The following GALNT18 variants were observed in gnomAD, a reference collection of about 807,000 sequenced individuals.
The protein encoded by GALNT18 is GalNAc-transferase 18.
In GALNT18, 44 loss-of-function variants were observed where a neutral mutation model predicts 69.5. The observed-to-expected ratio is 0.63, with a 90% confidence interval of 0.50 to 0.81. GALNT18 has a LOEUF of 0.81. Ranked by LOEUF, GALNT18 falls within the 40% of genes least tolerant of loss-of-function variation. GALNT18 has a pLI of 0.00. For missense variants in GALNT18, 715 were observed against 810.0 expected (o/e 0.88, Z 1.42); for synonymous variants, 364 against 318.2 (o/e 1.14, Z -1.53).
At chr11:11,545,702 T>C (rs1373823617) in intron 1 of GALNT18, among the ~76,000 whole-genome samples, 2 of 152,098 alleles carry the variant, frequency 1.3e-5, no homozygotes, top group Non-Finnish European at 2.9e-5. Context: ...CTGGAGTGCA[T>C]GTGTAAAGGT....
At chr11:11,495,376 C>A (rs1040303889) in intron 1 of GALNT18, among the ~76,000 whole-genome samples, 3 of 152,134 alleles carry the variant, frequency 2.0e-5, no homozygotes, top group Admixed American at 6.5e-5. Context: ...ACGCAAACTT[C>A]CCCCAAAATG....
chr11:11,392,630 A>G (rs542069530), intron 3 of GALNT18, among the ~76,000 whole-genome samples: 3 of 152,266 alleles, frequency 2.0e-5, no homozygotes, highest in Admixed American at 1.3e-4. Context: ...AAAAAGAAAA[A>G]AGAAAAAAAG....
intron 3 of GALNT18, among the ~76,000 whole-genome samples, chr11:11,412,438 G>C (rs1854752481): frequency 6.6e-6 from 1 of 152,106 alleles, no homozygotes; most frequent in Non-Finnish European, 1.5e-5. Flanking sequence ...TATAACCCAA[G>C]CCACCGCTTC....
rs937058100 is a variant in GALNT18, at chr11:11,619,996, C to G, written c.235+1363G>C. ...TCACCTGAACCTCCCTGAACCTTCCCCTCCTGGAAAGGAACTATTCTGGAC... is the reference window on the plus strand; with the variant it reads ...TCACCTGAACCTCCCTGAACCTTCCGCTCCTGGAAAGGAACTATTCTGGAC... On this transcript the variant is annotated intron_variant, in intron 1 of 10. Coordinates refer to ENST00000227756, the MANE Select transcript of GALNT18 (RefSeq NM_198516.3). This position sits in a 1 kb window ranked among gnomAD's most constrained non-coding sequence, Gnocchi z 4.9. 2.0e-5 allele frequency among the ~76,000 whole-genome samples: 3 copies of G among 152,150 alleles called. No individual in the cohort carries two copies. The highest frequency in any genetic ancestry group is 7.2e-5 in the African/African-American group (3 of 41,424).
intron 3 of GALNT18, among the ~76,000 whole-genome samples, chr11:11,397,053 C>T (rs528510477): frequency 6.6e-6 from 1 of 152,244 alleles, no homozygotes; most frequent in South Asian, 2.1e-4. Flanking sequence ...CACATATCTA[C>T]ATACACAGAC....
chr11:11,453,024 C>A (rs1480855193), intron 1 of GALNT18, among the ~76,000 whole-genome samples: 1 of 152,186 alleles, frequency 6.6e-6, no homozygotes, highest in Non-Finnish European at 1.5e-5. Flanking sequence ...GAGGCTGTTA[C>A]TCGCCCCCTG....
chr11:11,565,364 G>A lies in GALNT18; in HGVS notation c.235+55995C>T, dbSNP rs550024709. ...GGTGAAGGGCTGGAACAGGACTGGC[G>A]GTGGCAGAGGAGCAGTGGTGGGAAG... On this transcript the variant is annotated intron_variant, in intron 1 of 10. Coordinates refer to ENST00000227756, the MANE Select transcript of GALNT18 (RefSeq NM_198516.3). Among the ~76,000 whole-genome samples the A allele has an allele frequency of 5.9e-5, 9 of 152,298 alleles. No homozygotes were observed. In the South Asian group the frequency reaches 1.5e-3, roughly 25 times the overall value.
chr11:11,460,032 A>G (rs936123838), intron 1 of GALNT18, among the ~76,000 whole-genome samples: 1 of 151,990 alleles, frequency 6.6e-6, no homozygotes, highest in Admixed American at 6.6e-5. Context: ...AGTCCATCCC[A>G]CATCGCAGCA....
intron 1 of GALNT18, among the ~76,000 whole-genome samples, chr11:11,491,528 C>A (rs1856769647): frequency 6.6e-6 from 1 of 152,234 alleles, no homozygotes; most frequent in South Asian, 2.1e-4. Context: ...GGGGCTCTTC[C>A]TGCTGAGCCA....
In GALNT18 at chr11:11,555,962, G is replaced by A. The variant is rs1161722646; in HGVS notation, c.235+65397C>T. ...GTTTGCTTTCCCTTATTTCCTCTGA[G>A]TCCTCTAACCGAGATCAGACTTAAG... On this transcript the variant is annotated intron_variant, in intron 1 of 10. Coordinates refer to ENST00000227756, the MANE Select transcript of GALNT18 (RefSeq NM_198516.3). The surrounding 1 kb of genome is among the most constrained non-coding windows in gnomAD (Gnocchi z 4.7). Among the ~76,000 whole-genome samples the A allele has an allele frequency of 2.0e-5, 3 of 152,184 alleles. No individual in the cohort carries two copies. Among genetic ancestry groups the A allele is most frequent in the Non-Finnish European group, 4.4e-5 (3 of 68,020 alleles).
At chr11:11,330,358 C>T (rs1386325520) in intron 8 of GALNT18, among the ~76,000 whole-genome samples, 2 of 152,216 alleles carry the variant, frequency 1.3e-5, no homozygotes, top group African/African-American at 4.8e-5. Flanking sequence ...ATGATTCAGA[C>T]CCAGCAAATA....
rs1393152614 is a variant in GALNT18 at position 11,505,085 on chromosome 11, G to A, written c.236-56149C>T. 6.6e-6 allele frequency among the ~76,000 whole-genome samples: 1 copy of A among 152,192 alleles called. No homozygotes were observed. The highest frequency in any genetic ancestry group is 1.5e-5 in the Non-Finnish European group (1 of 68,036). ...ATGGGAACATAGGAAAAGGAGCAAAGTTTAAAGAAAATGCCACCTTGAGGG... is the reference window on the plus strand; with the variant it reads ...ATGGGAACATAGGAAAAGGAGCAAAATTTAAAGAAAATGCCACCTTGAGGG... On this transcript the variant is annotated intron_variant, in intron 1 of 10. Coordinates refer to ENST00000227756, the MANE Select transcript of GALNT18 (RefSeq NM_198516.3). This position sits in a 1 kb window ranked among gnomAD's most constrained non-coding sequence, Gnocchi z 4.6.
chr11:11,405,726 G>T (rs573445528), intron 3 of GALNT18, among the ~76,000 whole-genome samples: 1 of 152,234 alleles, frequency 6.6e-6, no homozygotes, highest in Non-Finnish European at 1.5e-5. Flanking sequence ...TCTTTTCAAT[G>T]CCTAGAAGCT....
At chr11:11,283,979 A>G (rs1009841047) in intron 10 of GALNT18, among the ~76,000 whole-genome samples, 2 of 151,786 alleles carry the variant, frequency 1.3e-5, no homozygotes, top group African/African-American at 4.9e-5. Flanking sequence ...TTTCAGGAAT[A>G]GGAACTGGAA....
At chr11:11,490,225 T>G (rs1255443972) in intron 1 of GALNT18, among the ~76,000 whole-genome samples, 1 of 76,956 alleles carries the variant, frequency 1.3e-5, no homozygotes, top group South Asian at 4.4e-4. Flanking sequence ...TCTCTCTCTC[T>G]CTCTCTCTAA....
intron 1 of GALNT18, among the ~76,000 whole-genome samples, chr11:11,548,303 C>G (rs942186867): frequency 6.6e-6 from 1 of 152,208 alleles, no homozygotes; most frequent in African/African-American, 2.4e-5. Flanking sequence ...TTCCAGTGCA[C>G]TGCATGGAAC....
rs1014038031 is a variant in GALNT18 at position 11,546,930 on chromosome 11, C to CTT, written c.235+74427_235+74428dup. On this transcript the variant is annotated intron_variant, in intron 1 of 10. Transcript: ENST00000227756. This position sits in a 1 kb window ranked among gnomAD's most constrained non-coding sequence, Gnocchi z 5.8. ...GGTAGGTGGATGGATATGGAATCTT[C>CTT]TTTTTTTTTTTTTAACTCTTGTCAT... 7.0e-6 allele frequency among the ~76,000 whole-genome samples: 1 copy of CTT among 142,294 alleles called. No homozygotes were observed. The highest frequency in any genetic ancestry group is 2.6e-5 in the African/African-American group (1 of 38,820). The allele number at this position is 142,294 out of a possible 152,430, so 93.4% of individuals were successfully genotyped here.
intron 1 of GALNT18, among the ~76,000 whole-genome samples, chr11:11,466,568 G>GAC (rs1856160137): frequency 6.6e-6 from 1 of 152,194 alleles, no homozygotes; most frequent in African/African-American, 2.4e-5. Flanking sequence ...GGGAGTCTGA[G>GAC]ACCCCTCTTT....
At chr11:11,322,359 T>C (rs1195587512) in intron 9 of GALNT18, among the ~76,000 whole-genome samples, 1 of 152,238 alleles carries the variant, frequency 6.6e-6, no homozygotes, top group African/African-American at 2.4e-5. Flanking sequence ...ACTGGCAGCC[T>C]CTGCTCAGGC....
Sources: gnomAD v4.1 joint callset for allele counts (sites outside exome capture counted in the v4.1 genomes callset) on GRCh38, gnomAD v4.1.1 for gene constraint, Gnocchi (gnomAD v3.1) non-coding constraint, MANE v1.5 for transcripts, NCBI Gene and HGNC (gene_info 2026-07-23, HGNC 2026-07-21) for gene names.